The following NALCN variants were observed in gnomAD, a reference collection of about 807,000 sequenced individuals.
NALCN encodes the protein sodium leak channel NALCN.
NALCN carries 111 observed loss-of-function variants against 225.3 expected under a neutral mutation model. The observed-to-expected ratio is 0.49, with a 90% CI of 0.42 to 0.58. The LOEUF (loss-of-function observed/expected upper bound fraction) is 0.58, where lower values mean the gene tolerates loss of function less well. Ranked by LOEUF, NALCN falls within the 20% of genes least tolerant of loss-of-function variation. NALCN has a pLI of 0.00. For synonymous variants in NALCN, 764 were observed against 769.0 expected, an observed-to-expected ratio of 0.99 and a Z score of 0.11; for missense variants, 1,378 against 2,202.4, an observed-to-expected ratio of 0.63 and a Z score of 7.49.
At chr13:101,077,056 GTTTTATAAGGGGCTTCCCC>G (rs67697476) in intron 34 of NALCN, among the ~76,000 whole-genome samples, 23,631 of 152,140 alleles carry the variant, frequency 0.16, 2,196 homozygotes, top group Non-Finnish European at 0.22. Flanking sequence ...AGGTCTGATA[GTTTTATAAGGGGCTTCCCC>G]TTTCACTGGT....
chr13:101,179,252 G>T (rs2039091188), intron 14 of NALCN, among the ~76,000 whole-genome samples: 1 of 152,194 alleles, frequency 6.6e-6, no homozygotes. Context: ...AGCCCACAGT[G>T]AGTTTCGGTG....
chr13:101,389,497 G>A (rs1358026082), intron 3 of NALCN, among the ~76,000 whole-genome samples: 1 of 152,162 alleles, frequency 6.6e-6, no homozygotes, highest in African/African-American at 2.4e-5. Flanking sequence ...GTTTAGAATG[G>A]CAATTCAGTA....
chr13:101,306,389 G>A (rs2044155247), intron 7 of NALCN, among the ~76,000 whole-genome samples: 1 of 152,046 alleles, frequency 6.6e-6, no homozygotes, highest in Non-Finnish European at 1.5e-5. Context: ...CTTCTCCCAC[G>A]TCGGTCCTCA....
At chr13:101,140,666 C>T (rs961430662) in intron 17 of NALCN, among the ~76,000 whole-genome samples, 1 of 152,244 alleles carries the variant, frequency 6.6e-6, no homozygotes, top group African/African-American at 2.4e-5. Flanking sequence ...TATCTTCCCA[C>T]TTGTTTATCC....
chr13:101,349,124 C>G (rs1419108410), intron 6 of NALCN, among the ~76,000 whole-genome samples: 1 of 152,126 alleles, frequency 6.6e-6, no homozygotes, highest in Admixed American at 6.6e-5. Context: ...TAATAAATAT[C>G]CACTCATGTT....
intron 13 of NALCN, among the ~76,000 whole-genome samples, chr13:101,208,488 C>T (rs1277347267): frequency 6.6e-6 from 1 of 152,244 alleles, no homozygotes; most frequent in Non-Finnish European, 1.5e-5. Flanking sequence ...TTAGTATTCC[C>T]AACTTAACTT....
intron 6 of NALCN, among the ~76,000 whole-genome samples, chr13:101,356,624 T>C (rs2046069331): frequency 1.3e-5 from 2 of 152,202 alleles, no homozygotes; most frequent in Non-Finnish European, 2.9e-5. Context: ...GCTGGTATCA[T>C]TCCTTCTGAA....
chr13:101,324,046 T>C (rs1015155015), intron 7 of NALCN, among the ~76,000 whole-genome samples: 1 of 152,150 alleles, frequency 6.6e-6, no homozygotes. Flanking sequence ...TCACATGACA[T>C]TAACATTCAG....
intron 18 of NALCN, among the ~76,000 whole-genome samples, chr13:101,119,752 C>T (rs1288071672): frequency 1.3e-5 from 2 of 152,202 alleles, no homozygotes; most frequent in South Asian, 2.1e-4. Context: ...ACGATACAGT[C>T]TAAGTCAGAA....
chr13:101,284,714 C>A (rs547611538), intron 9 of NALCN, among the ~76,000 whole-genome samples: 1 of 152,244 alleles, frequency 6.6e-6, no homozygotes, highest in South Asian at 2.1e-4. Context: ...GGATTAAAGA[C>A]CCAAGTGATG....
rs1023759020 is a variant in NALCN at position 101,061,857 on chromosome 13, T to C, written c.4755+111A>G. ...GACATAGTTTAAAGGGATAGAAGGC[T>C]GATCACAGAAGGAGCTAATCCCATG... On this transcript the variant is annotated intron_variant, in intron 41 of 43. Coordinates refer to ENST00000251127, the MANE Select transcript of NALCN (RefSeq NM_052867.4). 4 of 994,408 alleles carry C rather than the reference T, an allele frequency of 4.0e-6. No homozygotes were observed. In the African/African-American group the frequency reaches 4.9e-5, roughly 12 times the overall value. 61.6% of individuals were successfully genotyped at this position (994,408 alleles called of 1,614,324 possible).
At chr13:101,240,856 G>GA (rs1336242673) in intron 11 of NALCN, among the ~76,000 whole-genome samples, 1 of 151,750 alleles carries the variant, frequency 6.6e-6, no homozygotes, top group African/African-American at 2.4e-5. Flanking sequence ...TTTATTTTTG[G>GA]AAAAAAACTC....
intron 17 of NALCN, among the ~76,000 whole-genome samples, chr13:101,137,781 G>A (rs1187128391): frequency 2.0e-5 from 3 of 152,176 alleles, no homozygotes; most frequent in Non-Finnish European, 4.4e-5. Context: ...TGTTTGCTGA[G>A]TCTGACTTCA....
chr13:101,159,316 C>T (rs1156975790), intron 15 of NALCN, among the ~76,000 whole-genome samples: 1 of 152,138 alleles, frequency 6.6e-6, no homozygotes, highest in East Asian at 1.9e-4. Flanking sequence ...GAGGAGATTA[C>T]TTATCTAGGG....
intron 15 of NALCN, among the ~76,000 whole-genome samples, chr13:101,172,809 C>T (rs12859298): frequency 0.13 from 19,839 of 152,006 alleles, 1,843 homozygotes; most frequent in East Asian, 0.44. Context: ...CCTCGTGATC[C>T]GCCCACCTCA....
chr13:101,222,288 G>A (rs1025121906), intron 13 of NALCN, among the ~76,000 whole-genome samples: 5 of 151,946 alleles, frequency 3.3e-5, no homozygotes, highest in African/African-American at 1.2e-4. Context: ...ACAAGATATG[G>A]TCAGCCATAG....
At chr13:101,226,875 TC>T (rs1365687752) in intron 13 of NALCN, among the ~76,000 whole-genome samples, 1 of 152,162 alleles carries the variant, frequency 6.6e-6, no homozygotes, top group Admixed American at 6.5e-5. Flanking sequence ...GGCACTTTCC[TC>T]CATGCTGGCT....
chr13:101,087,372 C>G (rs1454357557), intron 30 of NALCN, among the ~76,000 whole-genome samples: 2 of 151,810 alleles, frequency 1.3e-5, no homozygotes, highest in Non-Finnish European at 2.9e-5. Flanking sequence ...TCACTAGGTC[C>G]TCAGTGTCAA....
At chr13:101,181,581 A>AC (rs1445153993) in intron 14 of NALCN, among the ~76,000 whole-genome samples, 5 of 143,058 alleles carry the variant, frequency 3.5e-5, no homozygotes, top group Admixed American at 6.8e-5. Flanking sequence ...AAAAAAAAAA[A>AC]AACAAAAATT....
Sources: allele counts gnomAD v4.1 joint callset (sites outside exome capture counted in the v4.1 genomes callset), GRCh38; gene constraint gnomAD v4.1.1; transcripts MANE v1.5; gene names NCBI Gene and HGNC (gene_info 2026-07-23, HGNC 2026-07-21).